The following ADIPOR2 variants were observed in gnomAD, a reference collection of about 807,000 sequenced individuals.
The protein encoded by ADIPOR2 is adiponectin receptor protein 2.
Under a neutral mutation model 40.9 loss-of-function variants are expected in ADIPOR2, and 18 were observed. The ratio of observed to expected loss-of-function variants is 0.44; its 90% confidence interval spans 0.30 to 0.65. ADIPOR2 has a LOEUF of 0.65. Ranked by LOEUF, ADIPOR2 falls within the 30% of genes least tolerant of loss-of-function variation. The pLI, the probability that ADIPOR2 is intolerant of heterozygous loss-of-function variation, is 0.09. For missense variants in ADIPOR2, 283 were observed against 479.2 expected (o/e 0.59, Z 3.82); for synonymous variants, 165 against 166.4 (o/e 0.99, Z 0.06).
chr12:1,769,508 A>C (rs1565655269), intron 2 of ADIPOR2, among the ~76,000 whole-genome samples: 1 of 152,250 alleles, frequency 6.6e-6, no homozygotes, highest in Admixed American at 6.5e-5. Flanking sequence ...ATAGTACTTG[A>C]TAAATCAACA....
intron 1 of ADIPOR2, among the ~76,000 whole-genome samples, chr12:1,713,681 GGGAC>G (rs1228123906): frequency 3.4e-4 from 51 of 152,084 alleles, no homozygotes; most frequent in African/African-American, 1.2e-3. Context: ...ATAAGGGTAT[GGGAC>G]TTTCAGGCAT....
intron 1 of ADIPOR2, chr12:1,696,747 A>G (rs1017561128): frequency 6.5e-6 from 1 of 152,992 alleles, no homozygotes; most frequent in Admixed American, 6.5e-5. Context: ...TTACCCTGGA[A>G]TTCTGCATCA....
intron 1 of ADIPOR2, among the ~76,000 whole-genome samples, chr12:1,710,573 G>C (rs1279070246): frequency 6.6e-6 from 1 of 152,076 alleles, no homozygotes; most frequent in African/African-American, 2.4e-5. Flanking sequence ...AGACACGGGT[G>C]TTAGGCTTTC....
At chr12:1,693,487 A>T (rs1406909495) in intron 1 of ADIPOR2, among the ~76,000 whole-genome samples, 1 of 151,296 alleles carries the variant, frequency 6.6e-6, no homozygotes, top group Non-Finnish European at 1.5e-5. Flanking sequence ...TATATAAATG[A>T]ACTCAAATTG....
At chr12:1,720,391 A>G (rs1324377399) in intron 1 of ADIPOR2, among the ~76,000 whole-genome samples, 1 of 152,160 alleles carries the variant, frequency 6.6e-6, no homozygotes, top group Admixed American at 6.5e-5. Flanking sequence ...CATTACATTT[A>G]TTGTGCACTT....
At chr12:1,751,215 A>G (rs2370053) in intron 1 of ADIPOR2, among the ~76,000 whole-genome samples, 1,812 of 152,272 alleles carry the variant, frequency 0.012, 100 homozygotes, top group Admixed American at 0.099. Context: ...TCTACTGTTG[A>G]AAGTCAATAT....
At chr12:1,700,811 A>AG (rs56146950) in intron 1 of ADIPOR2, among the ~76,000 whole-genome samples, 1 of 150,468 alleles carries the variant, frequency 6.6e-6, no homozygotes, top group East Asian at 1.9e-4. Context: ...AAAAAAAAAA[A>AG]GGTGAGGGCT....
intron 6 of ADIPOR2, among the ~76,000 whole-genome samples, chr12:1,783,272 G>T (rs1862759980): frequency 6.6e-6 from 1 of 152,036 alleles, no homozygotes; most frequent in Non-Finnish European, 1.5e-5. Context: ...GTCTGTAGAA[G>T]GACAGGCTAG....
At chr12:1,745,839 G>C (rs909671111) in intron 1 of ADIPOR2, among the ~76,000 whole-genome samples, 1 of 151,726 alleles carries the variant, frequency 6.6e-6, no homozygotes, top group Non-Finnish European at 1.5e-5. Context: ...GTTCAGATGT[G>C]TTATAACAAG....
At chr12:1,728,409 T>C (rs2094712349) in intron 1 of ADIPOR2, among the ~76,000 whole-genome samples, 1 of 151,662 alleles carries the variant, frequency 6.6e-6, no homozygotes, top group African/African-American at 2.4e-5. Flanking sequence ...ACACCTGGCC[T>C]CATGCAGAGC....
In ADIPOR2 at chr12:1,754,341, C is replaced by G; in HGVS notation, c.-3C>G. Reference sequence around the variant, plus strand: ...CTATTTGTAAGAAAGGCTTGGGTATCCCATGAACGAGCCAACAGAAAACCG... The same window carrying G: ...CTATTTGTAAGAAAGGCTTGGGTATGCCATGAACGAGCCAACAGAAAACCG... On this transcript the variant is annotated 5_prime_UTR_variant, in exon 2 of 8. The change creates a new upstream start codon in the 5' untranslated region. Transcript: ENST00000357103. 1 of 1,597,666 alleles carries G rather than the reference C, an allele frequency of 6.3e-7. No individual in the cohort carries two copies. The highest frequency in any genetic ancestry group is 8.5e-7 in the Non-Finnish European group (1 of 1,172,740).
chr12:1,758,637 T>C (rs111510239), intron 2 of ADIPOR2, among the ~76,000 whole-genome samples: 18 of 152,340 alleles, frequency 1.2e-4, no homozygotes, highest in Admixed American at 2.6e-4. Flanking sequence ...ATAAGAGTTA[T>C]AGAGAACTGC....
rs141955715 is a variant in ADIPOR2, at chr12:1,701,982, C to T, written c.-87+10791C>T. Among the ~76,000 whole-genome samples, 209 of 152,074 alleles carry T rather than the reference C, an allele frequency of 1.4e-3. 1 individual carries two copies. The highest frequency in any genetic ancestry group is 3.9e-3 in the African/African-American group (161 of 41,480). On this transcript the variant is annotated intron_variant, in intron 1 of 7. Transcript: ENST00000357103. ...CCTAAAAATACAAACATTAGCTGGGCGGGGTGGCGCGTGCCTGTAATCCCA... is the reference window on the plus strand; with the variant it reads ...CCTAAAAATACAAACATTAGCTGGGTGGGGTGGCGCGTGCCTGTAATCCCA...
Position 1,780,531 on chromosome 12 carries a change from G to GTCT in ADIPOR2, c.545_546insCTT (p.Val182_Val183insLeu). The stretch of plus-strand genomic sequence containing the variant: ...CTTTGTGGCCCCTCTGCAAGAGAAG[G>GTCT]TGGTCTTTGGATTATTTTTCTTAGG... On this transcript the variant is annotated inframe_insertion, in exon 5 of 8. Transcript: ENST00000357103. 1 of 1,613,868 alleles carries GTCT rather than the reference G, an allele frequency of 6.2e-7. No individual in the cohort carries two copies. Among genetic ancestry groups the GTCT allele is most frequent in the Non-Finnish European group, 8.5e-7 (1 of 1,179,914 alleles).
chr12:1,772,692 A>T, intron 2 of ADIPOR2, 150 bp from the exon 3 acceptor site: 1 of 944,600 alleles, frequency 1.1e-6, no homozygotes, highest in Non-Finnish European at 1.5e-6. Flanking sequence ...TAATAATTCT[A>T]TAATAAACTG....
intron 1 of ADIPOR2, among the ~76,000 whole-genome samples, chr12:1,706,674 A>G (rs376212647): frequency 7.2e-5 from 11 of 152,296 alleles, no homozygotes; most frequent in African/African-American, 2.6e-4. Context: ...GATAATGTAC[A>G]TACCCACCCA....
intron 1 of ADIPOR2, among the ~76,000 whole-genome samples, chr12:1,692,100 A>C (rs78917223): frequency 3.0e-5 from 2 of 66,128 alleles, no homozygotes; most frequent in African/African-American, 9.8e-5. Flanking sequence ...TTTTTTTTTT[A>C]TCACCCCTTC....
At chr12:1,766,274 G>A (rs1278923804) in intron 2 of ADIPOR2, among the ~76,000 whole-genome samples, 1 of 152,212 alleles carries the variant, frequency 6.6e-6, no homozygotes. Context: ...GTAGGGAATA[G>A]TAATAATAAT....
intron 2 of ADIPOR2, among the ~76,000 whole-genome samples, chr12:1,766,812 G>A (rs767015393): frequency 6.6e-6 from 1 of 152,110 alleles, no homozygotes; most frequent in Non-Finnish European, 1.5e-5. Context: ...GGGAGATAAG[G>A]AACTTTTATT....
Sources: allele counts gnomAD v4.1 joint callset (sites outside exome capture counted in the v4.1 genomes callset), GRCh38; gene constraint gnomAD v4.1.1; transcripts MANE v1.5; gene names NCBI Gene and HGNC (gene_info 2026-07-23, HGNC 2026-07-21).